Variants in TNKS observed in about 807,000 individuals in gnomAD.
The protein encoded by TNKS is poly [ADP-ribose] polymerase tankyrase-1.
In TNKS, 72 loss-of-function variants were observed where a neutral mutation model predicts 135.8. The ratio of observed to expected loss-of-function variants is 0.53; its 90% confidence interval spans 0.44 to 0.64. The LOEUF is 0.64. Among genes scored for constraint, TNKS ranks in the 30% least tolerant of loss-of-function variants. The pLI is 0.00. For synonymous variants in TNKS, 849 were observed against 649.3 expected, an observed-to-expected ratio of 1.31 and a Z score of -4.68; for missense variants, 1,769 against 1,674.0, an observed-to-expected ratio of 1.06 and a Z score of -0.99.
At chr8:9,557,649 G>A (rs911056686) in intron 1 of TNKS, 1 of 152,016 alleles carries the variant, frequency 6.6e-6, no homozygotes, top group Non-Finnish European at 1.5e-5. Flanking sequence ...GCATCACACA[G>A]AAACATCAGA....
chr8:9,639,856 A>G (rs142145461), intron 3 of TNKS, among the ~76,000 whole-genome samples: 1,800 of 152,284 alleles, frequency 0.012, 28 homozygotes, highest in African/African-American at 0.042. Flanking sequence ...CCTTTAAAAC[A>G]CATATATTTC....
At chr8:9,611,221 A>T (rs768892748) in intron 2 of TNKS, among the ~76,000 whole-genome samples, 4 of 152,084 alleles carry the variant, frequency 2.6e-5, no homozygotes, top group Non-Finnish European at 5.9e-5. Context: ...GAAATCACTT[A>T]CTCTCTGGAA....
intron 3 of TNKS, among the ~76,000 whole-genome samples, chr8:9,634,067 A>C (rs1172212923): frequency 2.2e-5 from 3 of 138,258 alleles, no homozygotes; most frequent in African/African-American, 8.2e-5. Context: ...AGGAAAAAAA[A>C]CTCATTTAAC....
rs190255694 is a variant in TNKS, at chr8:9,609,982, C to T, written c.899-5600C>T. On this transcript the variant is annotated intron_variant, in intron 2 of 26. Coordinates refer to ENST00000310430, the MANE Select transcript of TNKS (RefSeq NM_003747.3). Reference sequence around the variant, plus strand: ...ACGCCATTCTCCTGCCTCAGCCTCCCGAGTAGCTGGGACTACAGGCGCCCG... The same window carrying T: ...ACGCCATTCTCCTGCCTCAGCCTCCTGAGTAGCTGGGACTACAGGCGCCCG... Among the ~76,000 whole-genome samples, 1,254 of 152,194 alleles carry T rather than the reference C, an allele frequency of 8.2e-3. 16 individuals carry two copies. The highest frequency in any genetic ancestry group is 0.028 in the African/African-American group (1,179 of 41,546).
chr8:9,632,834 A>G (rs1439882992), intron 3 of TNKS, among the ~76,000 whole-genome samples: 1 of 152,094 alleles, frequency 6.6e-6, no homozygotes, highest in Admixed American at 6.5e-5. Context: ...GGTTCATACC[A>G]TTCTCCTGCC....
At chr8:9,634,591 TAGA>T (rs1039119542) in intron 3 of TNKS, among the ~76,000 whole-genome samples, 4 of 152,178 alleles carry the variant, frequency 2.6e-5, no homozygotes, top group African/African-American at 4.8e-5. Context: ...GCTCTTACTG[TAGA>T]AGAAGAAGAT....
chr8:9,584,517 A>G (rs12549064), intron 2 of TNKS, among the ~76,000 whole-genome samples: 11 of 151,860 alleles, frequency 7.2e-5, no homozygotes, highest in Admixed American at 7.2e-4. Flanking sequence ...TGTGCTTCCT[A>G]CTCTTAGCTC....
At chr8:9,614,102 A>G (rs929368695) in intron 2 of TNKS, among the ~76,000 whole-genome samples, 1 of 152,208 alleles carries the variant, frequency 6.6e-6, no homozygotes, top group African/African-American at 2.4e-5. Context: ...AGTCTGCTTT[A>G]TGATAAAGAC....
At chr8:9,668,369 T>G in intron 3 of TNKS, among the ~76,000 whole-genome samples, 1 of 152,180 alleles carries the variant, frequency 6.6e-6, no homozygotes, top group Non-Finnish European at 1.5e-5. Flanking sequence ...CATTGCACAT[T>G]TGAACATACA....
chr8:9,717,283 A>G (rs1412071381), intron 11 of TNKS, among the ~76,000 whole-genome samples: 1 of 151,476 alleles, frequency 6.6e-6, no homozygotes, highest in African/African-American at 2.4e-5. Flanking sequence ...GTATTGAAAA[A>G]TTGTGTTCAT....
At chr8:9,691,019 G>A (rs1334674679) in intron 5 of TNKS, among the ~76,000 whole-genome samples, 20 of 152,186 alleles carry the variant, frequency 1.3e-4, no homozygotes. Context: ...GAGCTCGCTT[G>A]TTTAGATCAG....
rs1296323583 is a variant in TNKS at position 9,780,135 on chromosome 8, C to T, written c.*3399C>T. ...ACGGCATTAGAATGCAATAAGTTGT[C>T]TAGGTTTTTCTGTTTCAGTGTCTCT... is the stretch of plus-strand genomic sequence containing the variant. On this transcript the variant is annotated 3_prime_UTR_variant, in exon 27 of 27. Transcript: ENST00000310430. The T allele has an allele frequency of 6.6e-6, 1 of 152,156 alleles. No homozygotes were observed. Among genetic ancestry groups the T allele is most frequent in the Non-Finnish European group, 1.5e-5 (1 of 68,032 alleles). The allele number at this position is 152,156 out of a possible 1,614,324, so 9.4% of individuals were successfully genotyped here. A position where few individuals can be genotyped will look rare whatever the true frequency, so the allele number is the denominator to read the frequency against.
At chr8:9,694,749 G>A (rs547829523) in intron 5 of TNKS, among the ~76,000 whole-genome samples, 3 of 122,832 alleles carry the variant, frequency 2.4e-5, no homozygotes, top group Admixed American at 8.8e-5. Flanking sequence ...GCAACAGAGC[G>A]AGACTCTGTC....
At chr8:9,670,467 A>C (rs1802225224) in intron 3 of TNKS, among the ~76,000 whole-genome samples, 1 of 152,180 alleles carries the variant, frequency 6.6e-6, no homozygotes, top group South Asian at 2.1e-4. Context: ...ATTTAATCCC[A>C]TCCCTAATGT....
rs1258331283 is a variant in TNKS at position 9,594,124 on chromosome 8, C to T, written c.898+13741C>T. 3.9e-5 allele frequency among the ~76,000 whole-genome samples: 6 copies of T among 152,148 alleles called. No individual in the cohort carries two copies. In the East Asian group the frequency reaches 5.8e-4, roughly 15 times the overall value. On this transcript the variant is annotated intron_variant, in intron 2 of 26. Transcript: ENST00000310430. ...CTGGTCTCAGACTCCTGACCTCAGG[C>T]GGTCCACCTGCCTCGGCCTCCCAAA...
At chr8:9,701,966 C>G (rs557204681) in intron 5 of TNKS, among the ~76,000 whole-genome samples, 1 of 152,286 alleles carries the variant, frequency 6.6e-6, no homozygotes, top group Admixed American at 6.5e-5. Context: ...GGAACTCACA[C>G]AGAGTCTGTA....
chr8:9,584,593 A>G (rs1343363019), intron 2 of TNKS, among the ~76,000 whole-genome samples: 2 of 152,194 alleles, frequency 1.3e-5, no homozygotes, highest in African/African-American at 2.4e-5. Flanking sequence ...TAAGATAGAC[A>G]ATGGTTTCTG....
chr8:9,702,143 G>A (rs1304558128), intron 5 of TNKS, among the ~76,000 whole-genome samples: 1 of 152,188 alleles, frequency 6.6e-6, no homozygotes, highest in Non-Finnish European at 1.5e-5. Context: ...TAATATTTGT[G>A]TAATTGAAGT....
At chr8:9,755,216 T>C (rs1215535550) in intron 20 of TNKS, among the ~76,000 whole-genome samples, 1 of 152,246 alleles carries the variant, frequency 6.6e-6, no homozygotes, top group Non-Finnish European at 1.5e-5. Context: ...GGCGTATTTA[T>C]CACATTTTAT....
Sources: allele counts gnomAD v4.1 joint callset (sites outside exome capture counted in the v4.1 genomes callset), GRCh38; gene constraint gnomAD v4.1.1; transcripts MANE v1.5; gene names NCBI Gene and HGNC (gene_info 2026-07-23, HGNC 2026-07-21).